The following KCNQ5 variants were observed in gnomAD, a reference collection of about 807,000 sequenced individuals.
KCNQ5 encodes the protein potassium voltage-gated channel subfamily KQT member 5.
A neutral mutation model predicts 98.2 loss-of-function variants in KCNQ5; 30 were observed. The ratio of observed to expected loss-of-function variants is 0.31; its 90% CI spans 0.23 to 0.41. The LOEUF is 0.41. KCNQ5 is among the 10% of genes least tolerant of loss of function. The probability of loss-of-function intolerance (pLI) is 1.00; values close to 1 mark genes in which losing one functional copy is unlikely to be tolerated. For synonymous variants in KCNQ5, 458 were observed against 449.4 expected (o/e 1.02, Z -0.24); for missense variants, 835 against 1,182.5 (o/e 0.71, Z 4.31).
intron 11 of KCNQ5, among the ~76,000 whole-genome samples, chr6:73,182,513 C>T (rs1778437981): frequency 1.3e-5 from 2 of 152,190 alleles, no homozygotes; most frequent in Admixed American, 6.5e-5. Flanking sequence ...CCCTACTCCT[C>T]TGGTCTCCCC....
At chr6:73,170,758 A>G (rs1777984666) in intron 11 of KCNQ5, among the ~76,000 whole-genome samples, 1 of 151,722 alleles carries the variant, frequency 6.6e-6, no homozygotes. Flanking sequence ...ACTTGACGAA[A>G]CCCTGTCTCT....
intron 1 of KCNQ5, among the ~76,000 whole-genome samples, chr6:72,812,966 T>C (rs1775314022): frequency 6.6e-6 from 1 of 152,182 alleles, no homozygotes; most frequent in South Asian, 2.1e-4. Flanking sequence ...TATAATCTAT[T>C]GATAATTAAT....
intron 10 of KCNQ5, chr6:73,135,069 A>G (rs533962695): frequency 2.0e-5 from 3 of 152,356 alleles, no homozygotes; most frequent in South Asian, 2.1e-4. Context: ...GTCTTTACAT[A>G]TGTCTAAGCC....
chr6:73,124,558 C>G, intron 9 of KCNQ5, 46 bp downstream of exon 9: 4 of 1,561,350 alleles, frequency 2.6e-6, no homozygotes, highest in Non-Finnish European at 3.5e-6. Context: ...AAATCTGATA[C>G]CTACCAGGTG....
chr6:72,731,425 A>AG (rs1770546820), intron 1 of KCNQ5, among the ~76,000 whole-genome samples: 1 of 152,228 alleles, frequency 6.6e-6, no homozygotes, highest in South Asian at 2.1e-4. Context: ...AACACAATAA[A>AG]GGTTTATTTT....
chr6:72,742,827 G>A (rs557609547), intron 1 of KCNQ5, among the ~76,000 whole-genome samples: 4 of 152,122 alleles, frequency 2.6e-5, no homozygotes, highest in Non-Finnish European at 5.9e-5. Context: ...TGAACATAAT[G>A]TACCCAATAG....
intron 1 of KCNQ5, among the ~76,000 whole-genome samples, chr6:72,683,184 A>G (rs1468297663): frequency 6.6e-6 from 1 of 152,114 alleles, no homozygotes; most frequent in African/African-American, 2.4e-5. Flanking sequence ...TTCTCAAGCT[A>G]AAGTGTGTCT....
chr6:73,172,677 A>G (rs1054513905), intron 11 of KCNQ5, among the ~76,000 whole-genome samples: 1 of 152,220 alleles, frequency 6.6e-6, no homozygotes, highest in African/African-American at 2.4e-5. Flanking sequence ...CTGAAGCAGT[A>G]TGTATATGTA....
At chr6:72,927,754 A>G (rs192995023) in intron 1 of KCNQ5, among the ~76,000 whole-genome samples, 67 of 152,198 alleles carry the variant, frequency 4.4e-4, no homozygotes, top group Admixed American at 2.2e-3. Flanking sequence ...TATTGAATTT[A>G]CCAGTCTATA....
intron 11 of KCNQ5, among the ~76,000 whole-genome samples, chr6:73,170,443 C>G (rs1031081784): frequency 2.9e-5 from 4 of 137,454 alleles, no homozygotes; most frequent in Non-Finnish European, 5.9e-5. Flanking sequence ...CACACACACA[C>G]ACACACACAC....
rs550558853 is a variant in KCNQ5, at chr6:72,804,084, G to A, written c.398+181497G>A. Among the ~76,000 whole-genome samples, 9 of 151,958 alleles carry A rather than the reference G, an allele frequency of 5.9e-5. No individual in the cohort carries two copies. The South Asian group carries it at 1.7e-3, about 28-fold the overall frequency. On this transcript the variant is annotated intron_variant, in intron 1 of 13. Transcript: ENST00000370398. Reference sequence around the variant, plus strand: ...GTATACTTTTTAATGTTAAATTTTTGTGAGTACATAGTTGGTTGCTACATT... The same window carrying A: ...GTATACTTTTTAATGTTAAATTTTTATGAGTACATAGTTGGTTGCTACATT...
intron 1 of KCNQ5, among the ~76,000 whole-genome samples, chr6:72,746,446 T>C (rs1302658627): frequency 1.3e-5 from 2 of 152,214 alleles, no homozygotes; most frequent in South Asian, 2.1e-4. Flanking sequence ...GCAGTTCAGA[T>C]GTACCAGGGT....
rs563917872 is a variant in KCNQ5, at chr6:72,697,577, A to T, written c.398+74990A>T. Among the ~76,000 whole-genome samples, 10 of 152,364 alleles carry T rather than the reference A, an allele frequency of 6.6e-5. No homozygotes were observed. In the South Asian group the frequency reaches 2.1e-3, roughly 32 times the overall value. ...GAAAATTTAGAAGAAATTAGGATAT[A>T]ATTCCTTAGGTTTCTGTGAAAAATA... is the stretch of plus-strand genomic sequence containing the variant. On this transcript the variant is annotated intron_variant, in intron 1 of 13. Transcript: ENST00000370398.
At chr6:73,010,231 T>C (rs537004205) in intron 2 of KCNQ5, among the ~76,000 whole-genome samples, 1 of 152,142 alleles carries the variant, frequency 6.6e-6, no homozygotes, top group African/African-American at 2.4e-5. Flanking sequence ...TAGGCCACAT[T>C]AACAGAATGA....
intron 3 of KCNQ5, among the ~76,000 whole-genome samples, chr6:73,064,503 A>T (rs751622983): frequency 2.6e-5 from 4 of 152,036 alleles, no homozygotes; most frequent in African/African-American, 4.8e-5. Context: ...AAATTTGATT[A>T]TTCATTGGTG....
intron 10 of KCNQ5, among the ~76,000 whole-genome samples, chr6:73,168,253 G>A (rs138839949): frequency 9.9e-5 from 15 of 152,274 alleles, no homozygotes; most frequent in African/African-American, 3.6e-4. Context: ...ACCTCCAATA[G>A]CCTTTCAAAA....
chr6:73,187,398 G>A (rs1334484522), intron 11 of KCNQ5, among the ~76,000 whole-genome samples: 3 of 151,988 alleles, frequency 2.0e-5, no homozygotes, highest in Admixed American at 6.6e-5. Context: ...CAGTGCTTGG[G>A]AGTCAATGCA....
intron 10 of KCNQ5, among the ~76,000 whole-genome samples, chr6:73,138,019 C>G (rs1322703165): frequency 2.0e-5 from 3 of 152,140 alleles, no homozygotes; most frequent in Non-Finnish European, 4.4e-5. Context: ...CCAAACCTCT[C>G]AACTACATCA....
chr6:72,751,819 C>T (rs1426654633), intron 1 of KCNQ5, among the ~76,000 whole-genome samples: 1 of 152,012 alleles, frequency 6.6e-6, no homozygotes, highest in Non-Finnish European at 1.5e-5. Context: ...CATTATTACT[C>T]GAATCACTTT....
Sources: gnomAD v4.1 joint callset for allele counts (sites outside exome capture counted in the v4.1 genomes callset) on GRCh38, gnomAD v4.1.1 for gene constraint, MANE v1.5 for transcripts, NCBI Gene and HGNC (gene_info 2026-07-23, HGNC 2026-07-21) for gene names.